Variants in TBL1X observed in about 807,000 individuals in gnomAD.
TBL1X encodes the protein transducin beta like 1 X-linked.
In TBL1X, 10 loss-of-function variants were observed where a neutral mutation model predicts 50.7. The ratio of observed to expected loss-of-function variants is 0.20; its 90% CI spans 0.12 to 0.33. The LOEUF (loss-of-function observed/expected upper bound fraction) is 0.33. Ranked by LOEUF, TBL1X falls within the 10% of genes least tolerant of loss-of-function variation. The pLI, the probability that TBL1X is intolerant of heterozygous loss-of-function variation, is 1.00. For missense variants in TBL1X, 340 were observed against 504.4 expected (o/e 0.67, Z 3.12); for synonymous variants, 190 against 214.7 (o/e 0.88, Z 1.01).
intron 2 of TBL1X, among the ~76,000 whole-genome samples, chrX:9,556,596 G>A (rs1218270848): frequency 9.1e-6 from 1 of 109,703 alleles, no homozygotes; most frequent in East Asian, 2.9e-4. Context: ...CAAGACTGCA[G>A]TGAGCCATGC....
intron 2 of TBL1X, among the ~76,000 whole-genome samples, chrX:9,587,068 C>T (rs1424563492): frequency 1.8e-5 from 2 of 111,792 alleles, no homozygotes; most frequent in Non-Finnish European, 3.8e-5. Flanking sequence ...TTATTTCCGC[C>T]CTTGGAGTGA....
rs140189869 is a variant in TBL1X at position 9,475,171 on chromosome X, G to T, written c.-201+9724G>T. 6.3e-3 allele frequency among the ~76,000 whole-genome samples: 707 copies of T among 112,279 alleles called. 5 individuals carry two copies. Among genetic ancestry groups the T allele is most frequent in the African/African-American group, 0.022 (667 of 30,951 alleles). ...TTACCGGCGTGAGCCACTGTGACCT[G>T]CTGTTTTTGTTTTTGAGACATATTT... On this transcript the variant is annotated intron_variant, in intron 1 of 17. Transcript: ENST00000645353.
At chrX:9,516,143 A>C (rs1439414998) in intron 2 of TBL1X, among the ~76,000 whole-genome samples, 2 of 111,452 alleles carry the variant, frequency 1.8e-5, no homozygotes, top group Non-Finnish European at 3.8e-5. Flanking sequence ...TAGCAGTTTC[A>C]GATTCACTGG....
chrX:9,711,755 C>T lies in TBL1X; in HGVS notation c.1584C>T (p.Cys528=), dbSNP rs745779471. ...KYLASGSFDK[C]VHIWNTQSGN... ...TGGCCAGTGGATCCTTCGACAAGTG[C>T]GTCCATATCTGGAATACTCAGGTAA... The change falls in exon 16 of 18, where the codon TGC becomes TGT. Residue 528 remains cysteine (C), a synonymous_variant. Transcript: ENST00000645353. 2.1e-5 allele frequency: 25 copies of T among 1,199,201 alleles called. No homozygotes were observed. The South Asian group carries it at 4.3e-4, about 21-fold the overall frequency.
At chrX:9,690,465 C>G (rs2083090004) in intron 7 of TBL1X, among the ~76,000 whole-genome samples, 1 of 111,210 alleles carries the variant, frequency 9.0e-6, no homozygotes, top group African/African-American at 3.3e-5. Flanking sequence ...CTGATCTCCT[C>G]TTCTCATAAG....
At chrX:9,556,124 G>C (rs2082296809) in intron 2 of TBL1X, among the ~76,000 whole-genome samples, 1 of 109,707 alleles carries the variant, frequency 9.1e-6, no homozygotes, top group Admixed American at 9.7e-5. Context: ...AGGAGTTAGA[G>C]GCTGCAGTGA....
chrX:9,600,802 A>G (rs1470159389), intron 2 of TBL1X, among the ~76,000 whole-genome samples: 2 of 112,113 alleles, frequency 1.8e-5, no homozygotes, highest in Non-Finnish European at 3.8e-5. Context: ...AGCATGCTCA[A>G]TTCAGTCAGT....
intron 2 of TBL1X, among the ~76,000 whole-genome samples, chrX:9,519,656 TC>T (rs1288830779): frequency 1.8e-5 from 2 of 111,939 alleles, no homozygotes; most frequent in Admixed American, 9.5e-5. Context: ...GCAGGCAGGA[TC>T]TTTTTTACAG....
intron 2 of TBL1X, among the ~76,000 whole-genome samples, chrX:9,577,184 C>T (rs774261647): frequency 4.0e-4 from 45 of 111,972 alleles, no homozygotes; most frequent in Non-Finnish European, 6.2e-4. Context: ...TGACCTAGAG[C>T]GGCATCCCCA....
intron 2 of TBL1X, among the ~76,000 whole-genome samples, chrX:9,517,577 G>C (rs1440533908): frequency 1.8e-5 from 2 of 112,119 alleles, no homozygotes; most frequent in Non-Finnish European, 3.8e-5. Context: ...CAAATGCCAG[G>C]TCCCCAAACT....
At position 9,601,640 on chromosome X, in the gene TBL1X, C is replaced by G. The variant is rs957770685; in HGVS notation, c.-130-38633C>G. On this transcript the variant is annotated intron_variant, in intron 2 of 17. Coordinates refer to ENST00000645353, the MANE Select transcript of TBL1X (RefSeq NM_005647.4). ...CTCCCTTCCCACCCCTCTGGCCACTCAGGTGAGGAGATGCCAGATCCCAGG... is the reference window on the plus strand; with the variant it reads ...CTCCCTTCCCACCCCTCTGGCCACTGAGGTGAGGAGATGCCAGATCCCAGG... 8.0e-5 allele frequency among the ~76,000 whole-genome samples: 9 copies of G among 111,835 alleles called. 1 individual carries two copies. The highest frequency in any genetic ancestry group is 2.3e-4 in the African/African-American group (7 of 30,781).
intron 2 of TBL1X, among the ~76,000 whole-genome samples, chrX:9,631,782 A>G (rs1161989534): frequency 8.9e-6 from 1 of 112,663 alleles, no homozygotes; most frequent in Non-Finnish European, 1.9e-5. Flanking sequence ...TTATGTTTAT[A>G]TTTACTATTT....
At chrX:9,498,824 G>A (rs1164613287) in intron 1 of TBL1X, among the ~76,000 whole-genome samples, 1 of 112,256 alleles carries the variant, frequency 8.9e-6, no homozygotes, top group Admixed American at 9.4e-5. Flanking sequence ...TCCCCTTTGG[G>A]TTGCACAGTG....
At chrX:9,574,675 C>T in intron 2 of TBL1X, among the ~76,000 whole-genome samples, 1 of 110,338 alleles carries the variant, frequency 9.1e-6, no homozygotes, top group Non-Finnish European at 1.9e-5. Context: ...AAACGAGCTT[C>T]TGTGGATACT....
chrX:9,509,880 G>A (rs1222903241), intron 2 of TBL1X, among the ~76,000 whole-genome samples: 1 of 110,958 alleles, frequency 9.0e-6, no homozygotes, highest in Non-Finnish European at 1.9e-5. Flanking sequence ...GCGAGTCTGT[G>A]TTGACTGTAC....
intron 1 of TBL1X, among the ~76,000 whole-genome samples, chrX:9,476,611 G>C (rs762035926): frequency 8.9e-6 from 1 of 111,996 alleles, no homozygotes; most frequent in East Asian, 2.8e-4. Flanking sequence ...TTAGTTTCTG[G>C]GAGTTTGAGG....
At chrX:9,479,938 A>ATGTATGTGTGTGTGTGTG (rs1169895898) in intron 1 of TBL1X, among the ~76,000 whole-genome samples, 13 of 94,997 alleles carry the variant, frequency 1.4e-4, no homozygotes, top group African/African-American at 5.1e-4. Flanking sequence ...GGAAAGTAGA[A>ATGTATGTGTGTGTGTGTG]TGTGTGTGTG....
chrX:9,560,334 G>A (rs1218492706), intron 2 of TBL1X: 1 of 112,384 alleles, frequency 8.9e-6, no homozygotes, highest in Non-Finnish European at 1.9e-5. Context: ...GGATACTACC[G>A]CTGGCACGGG....
At chrX:9,536,452 A>G (rs749042607) in intron 2 of TBL1X, among the ~76,000 whole-genome samples, 1 of 110,491 alleles carries the variant, frequency 9.1e-6, no homozygotes, top group African/African-American at 3.3e-5. Flanking sequence ...AGGTTTCACC[A>G]TGTGGGCCAG....
Sources: allele counts gnomAD v4.1 joint callset (sites outside exome capture counted in the v4.1 genomes callset), GRCh38; gene constraint gnomAD v4.1.1; transcripts MANE v1.5; gene names NCBI Gene and HGNC (gene_info 2026-07-23, HGNC 2026-07-21).